HERPUD2: variants seen among roughly 807,000 people sequenced by gnomAD.
HERPUD2 encodes the protein HERPUD family member 2, also known as homocysteine-responsive endoplasmic reticulum-resident ubiquitin-like domain member 2 protein.
Under a neutral mutation model 49.9 loss-of-function variants are expected in HERPUD2, and 13 were observed. The observed-to-expected ratio is 0.26, with a 90% confidence interval of 0.17 to 0.41. The LOEUF (loss-of-function observed/expected upper bound fraction) is 0.41. HERPUD2 is among the 10% of genes least tolerant of loss of function. HERPUD2 has a pLI of 1.00. For missense variants in HERPUD2, 449 were observed against 492.2 expected (o/e 0.91, Z 0.83); for synonymous variants, 172 against 171.4 (o/e 1.00, Z -0.03).
Position 35,638,424 on chromosome 7 carries a change from T to C in HERPUD2, c.543A>G (p.Pro181=). The C allele has an allele frequency of 1.2e-6, 2 of 1,613,736 alleles. 1 individual carries two copies. The highest frequency in any genetic ancestry group is 2.7e-5 in the African/African-American group (2 of 75,058). Residue 181 remains proline, a synonymous_variant, in exon 6 of 9, where the codon CCA becomes CCG. Transcript: ENST00000311350. ...FPGQAAPPGF[P]VYPAFSPLQM... ...GCAGTGGGCTAAACGCGGGATACAC[T>C]GGGAATCCAGGTGGAGCAGCTTGCC...
intron 4 of HERPUD2, 140 bp downstream of exon 4, chr7:35,670,075 C>A: frequency 2.1e-6 from 1 of 481,556 alleles, no homozygotes; most frequent in Non-Finnish European, 3.7e-6. Flanking sequence ...TACAAAATGC[C>A]TAACTTTAGT....
intron 5 of HERPUD2, among the ~76,000 whole-genome samples, chr7:35,655,737 A>C (rs1405565370): frequency 6.6e-6 from 1 of 152,230 alleles, no homozygotes; most frequent in African/African-American, 2.4e-5. Context: ...ATTGGAAAAG[A>C]GGAAGTCAAA....
chr7:35,654,590 G>A (rs1337231695), intron 5 of HERPUD2, among the ~76,000 whole-genome samples: 2 of 84,842 alleles, frequency 2.4e-5, no homozygotes, highest in East Asian at 8.1e-4. Flanking sequence ...GATTGAATCA[G>A]TAATTAAAAA....
At chr7:35,635,486 A>G (rs1784856907) in intron 6 of HERPUD2, 28 bp from the exon 7 acceptor site, 1 of 1,553,790 alleles carries the variant, frequency 6.4e-7, no homozygotes, top group Non-Finnish European at 8.7e-7. Flanking sequence ...ATAAATATTA[A>G]AAAGAAAAAA....
At chr7:35,669,888 T>C (rs1463182072) in intron 4 of HERPUD2, among the ~76,000 whole-genome samples, 1 of 152,104 alleles carries the variant, frequency 6.6e-6, no homozygotes, top group African/African-American at 2.4e-5. Flanking sequence ...TGAAACGTCA[T>C]TGGCCTAAGA....
intron 5 of HERPUD2, among the ~76,000 whole-genome samples, chr7:35,653,900 TGAGG>T: frequency 6.6e-6 from 1 of 152,144 alleles, no homozygotes; most frequent in Non-Finnish European, 1.5e-5. Flanking sequence ...CTCAGGAGGC[TGAGG>T]CAGAAGGACT....
intron 5 of HERPUD2, among the ~76,000 whole-genome samples, chr7:35,657,525 G>A: frequency 6.6e-6 from 1 of 150,558 alleles, no homozygotes; most frequent in East Asian, 2.0e-4. Context: ...GGGAGGCCGA[G>A]GTGGGAGAAT....
At chr7:35,675,230 C>G (rs1372576059) in intron 2 of HERPUD2, among the ~76,000 whole-genome samples, 5 of 152,170 alleles carry the variant, frequency 3.3e-5, no homozygotes. Context: ...GAGAAATCCC[C>G]ACACATTTTG....
chr7:35,662,044 G>A (rs1206345752), intron 5 of HERPUD2, among the ~76,000 whole-genome samples: 6 of 152,154 alleles, frequency 3.9e-5, no homozygotes, highest in South Asian at 2.1e-4. Context: ...TTTGAGATAC[G>A]TCCCATCAAT....
At chr7:35,639,620 T>A (rs1784935057) in intron 5 of HERPUD2, among the ~76,000 whole-genome samples, 2 of 152,224 alleles carry the variant, frequency 1.3e-5, no homozygotes, top group Admixed American at 6.5e-5. Context: ...CTAACTCTTC[T>A]TCACATTACT....
Position 35,663,274 on chromosome 7 carries a change from G to C in HERPUD2, c.494+4160C>G, listed in dbSNP as rs139015843. Among the ~76,000 whole-genome samples, 919 of 152,228 alleles carry C rather than the reference G, an allele frequency of 6.0e-3. 4 individuals carry two copies. The highest frequency in any genetic ancestry group is 8.6e-3 in the Non-Finnish European group (586 of 68,012). ...TTCTGTTCTTTTACTGAGTAAATTT[G>C]TTATAATTTACTGTTCTTTTATTTG... On this transcript the variant is annotated intron_variant, in intron 5 of 8. Transcript: ENST00000311350.
intron 5 of HERPUD2, among the ~76,000 whole-genome samples, chr7:35,661,126 A>G (rs1419609711): frequency 6.6e-6 from 1 of 152,118 alleles, no homozygotes; most frequent in Non-Finnish European, 1.5e-5. Context: ...CACCATTTAT[A>G]AAATAGGGAA....
chr7:35,643,222 C>T (rs557435536), intron 5 of HERPUD2, among the ~76,000 whole-genome samples: 2 of 152,190 alleles, frequency 1.3e-5, no homozygotes, highest in African/African-American at 4.8e-5. Flanking sequence ...TTTAACCGCA[C>T]ACCTATGTAG....
chr7:35,667,370 C>T, intron 5 of HERPUD2, 64 bp downstream of exon 5: 3 of 1,461,526 alleles, frequency 2.1e-6, no homozygotes, highest in Non-Finnish European at 2.9e-6. Flanking sequence ...TATAGTGAAA[C>T]TCAAAAGCAA....
In HERPUD2 at chr7:35,633,809, C is replaced by A. The variant is rs777908783; in HGVS notation, c.1102G>T (p.Asp368Tyr). 1.2e-6 allele frequency: 2 copies of A among 1,614,018 alleles called. No individual in the cohort carries two copies. The highest frequency in any genetic ancestry group is 3.3e-5 in the Admixed American group (2 of 60,006). ...ATTGCACTGGCATCTTCACCTCCAT[C>A]TTCTCCACTCTCATCTTCAAGCCCA... ...DDGLEDESGE[D>Y]GGEDASAIQR... Residue 368 changes from aspartate (D) to tyrosine (Y), a missense_variant, in exon 9 of 9, where the codon GAT (aspartate) becomes TAT (tyrosine). Coordinates refer to ENST00000311350, the MANE Select transcript of HERPUD2 (RefSeq NM_022373.5).
chr7:35,675,166 G>A (rs1785733738), intron 2 of HERPUD2, among the ~76,000 whole-genome samples: 1 of 152,134 alleles, frequency 6.6e-6, no homozygotes, highest in South Asian at 2.1e-4. Context: ...TGAATTAAAG[G>A]ACATTCAGCT....
Position 35,673,111 on chromosome 7 carries a change from A to G in HERPUD2, c.225+90T>C, listed in dbSNP as rs1307623625. On this transcript the variant is annotated intron_variant, in intron 3 of 8. Transcript: ENST00000311350. Reference sequence around the variant, plus strand: ...GCAAAGGGATTGATTTTAAGTATCTAAAAACTGAACTGGTTGAATAAAATT... The same window carrying G: ...GCAAAGGGATTGATTTTAAGTATCTGAAAACTGAACTGGTTGAATAAAATT... 9 of 940,874 alleles carry G rather than the reference A, an allele frequency of 9.6e-6. No individual in the cohort carries two copies. In the East Asian group the frequency reaches 2.2e-4, roughly 23 times the overall value. The allele number at this position is 940,874 out of a possible 1,614,324, so 58.3% of individuals were successfully genotyped here. A position where few individuals can be genotyped will look rare whatever the true frequency, so the allele number is the denominator to read the frequency against.
chr7:35,674,404 TAGAGAGAGAGAGAGAGAGAGAGAGAG>T (rs3999932), intron 2 of HERPUD2, among the ~76,000 whole-genome samples: 719 of 38,136 alleles, frequency 0.019, 35 homozygotes, highest in Non-Finnish European at 0.021. Context: ...TATATATATA[TAGAGAGAGAGAGAGAGAGAGAGAGAG>T]AGAGAGAGAG....
intron 5 of HERPUD2, among the ~76,000 whole-genome samples, chr7:35,658,665 T>C (rs1312707993): frequency 6.6e-6 from 1 of 152,220 alleles, no homozygotes; most frequent in East Asian, 1.9e-4. Flanking sequence ...AGATTTGTTA[T>C]AAAACAAGGC....
Sources: gnomAD v4.1 joint callset for allele counts (sites outside exome capture counted in the v4.1 genomes callset) on GRCh38, gnomAD v4.1.1 for gene constraint, MANE v1.5 for transcripts, NCBI Gene and HGNC (gene_info 2026-07-23, HGNC 2026-07-21) for gene names.